Variants in SCYL3 observed in about 807,000 individuals in gnomAD.
SCYL3 encodes the protein SCY1 like pseudokinase 3.
In SCYL3, 35 loss-of-function variants were observed where a neutral mutation model predicts 73.8. That is an observed-to-expected ratio of 0.47 (90% CI 0.36 to 0.63). The LOEUF (loss-of-function observed/expected upper bound fraction) is 0.63, where lower values mean the gene tolerates loss of function less well. Ranked by LOEUF, SCYL3 falls within the 20% of genes least tolerant of loss-of-function variation. The pLI is 0.00. For synonymous variants in SCYL3, 277 were observed against 295.2 expected (o/e 0.94, Z 0.63); for missense variants, 712 against 798.9 (o/e 0.89, Z 1.31).
intron 11 of SCYL3, among the ~76,000 whole-genome samples, chr1:169,857,471 T>C (rs1449873116): frequency 1.3e-5 from 2 of 152,244 alleles, no homozygotes; most frequent in Non-Finnish European, 2.9e-5. Flanking sequence ...GGTGCAAACC[T>C]GCAAATATGG....
rs980989689 is a variant in SCYL3, at chr1:169,850,079, T to C, written c.*3634A>G. The C allele has an allele frequency of 2.7e-5, 16 of 582,332 alleles. No individual in the cohort carries two copies. The highest frequency in any genetic ancestry group is 4.3e-5 in the South Asian group (2 of 46,482). 36.1% of individuals were successfully genotyped at this position (582,332 alleles called of 1,614,324 possible). On this transcript the variant is annotated 3_prime_UTR_variant, in exon 13 of 13. Transcript: ENST00000367771. ...AAGTAATTAAAGCTTACAACACTTG[T>C]ACAGAAGTTAATTTTGTATTATCCT...
At position 169,849,747 on chromosome 1, in the gene SCYL3, T is replaced by C; in HGVS notation, c.*3966A>G. On this transcript the variant is annotated 3_prime_UTR_variant, in exon 13 of 13. Transcript: ENST00000367771. ...TGAAGGGTACATTACTCGTTATCTC[T>C]TTTACAGCTTCTCAAAATGAGGCTT... 1.6e-6 allele frequency: 1 copy of C among 628,620 alleles called. No individual in the cohort carries two copies. Among genetic ancestry groups the C allele is most frequent in the South Asian group, 2.0e-5 (1 of 50,312 alleles). 38.9% of individuals were successfully genotyped at this position (628,620 alleles called of 1,614,324 possible). A position where few individuals can be genotyped will look rare whatever the true frequency, so the allele number is the denominator to read the frequency against.
intron 10 of SCYL3, chr1:169,859,905 TG>T: frequency 6.6e-6 from 1 of 152,412 alleles, no homozygotes; most frequent in Non-Finnish European, 1.5e-5. Context: ...TCCCAGGAGC[TG>T]GGGACTACCA....
chr1:169,876,592 CTTG>C (rs889023646), intron 3 of SCYL3, among the ~76,000 whole-genome samples: 10 of 152,062 alleles, frequency 6.6e-5, no homozygotes, highest in Non-Finnish European at 1.2e-4. Flanking sequence ...CATCTGAAAT[CTTG>C]TTAGTAGGCA....
chr1:169,880,763 T>TA (rs1491094281), intron 2 of SCYL3, among the ~76,000 whole-genome samples: 1 of 45,642 alleles, frequency 2.2e-5, no homozygotes, highest in East Asian at 3.9e-4. Context: ...TGAAGGCCAC[T>TA]TTTTTTTTTT....
intron 1 of SCYL3, among the ~76,000 whole-genome samples, chr1:169,889,995 C>T (rs1175544817): frequency 1.3e-5 from 2 of 152,176 alleles, no homozygotes; most frequent in African/African-American, 4.8e-5. Flanking sequence ...ATATGAACAG[C>T]TTTCTTGACA....
At chr1:169,862,537 A>G (rs1486010880) in intron 10 of SCYL3, 76 bp downstream of exon 10, 1 of 1,491,196 alleles carries the variant, frequency 6.7e-7, no homozygotes, top group Non-Finnish European at 9.2e-7. Flanking sequence ...TATTATCTGA[A>G]TACCTCCAAA....
intron 4 of SCYL3, among the ~76,000 whole-genome samples, chr1:169,875,160 T>C (rs1367409415): frequency 6.6e-6 from 1 of 151,932 alleles, no homozygotes; most frequent in African/African-American, 2.4e-5. Context: ...CAAGAACCCA[T>C]GAAGGTACAC....
intron 2 of SCYL3, among the ~76,000 whole-genome samples, chr1:169,884,751 T>G (rs973788596): frequency 3.3e-5 from 5 of 152,248 alleles, no homozygotes; most frequent in African/African-American, 1.2e-4. Flanking sequence ...ATTTTCTTGA[T>G]GCAAAGTGAG....
chr1:169,883,714 ATTTTTTT>A (rs11311295), intron 2 of SCYL3, among the ~76,000 whole-genome samples: 2 of 100,086 alleles, frequency 2.0e-5, no homozygotes, highest in Non-Finnish European at 2.0e-5. Flanking sequence ...CTCCAATTAC[ATTTTTTT>A]TTTTTTTTTT....
chr1:169,860,963 G>C (rs12136425), intron 10 of SCYL3, among the ~76,000 whole-genome samples: 10,145 of 152,248 alleles, frequency 0.067, 431 homozygotes, highest in Non-Finnish European at 0.099. Flanking sequence ...GTAATGAGAG[G>C]TTTCATTGTC....
At chr1:169,855,089 A>G in intron 11 of SCYL3, 125 bp from the exon 12 acceptor site, 1 of 652,312 alleles carries the variant, frequency 1.5e-6, no homozygotes, top group Non-Finnish European at 2.5e-6. Context: ...CATGCATACT[A>G]AACAAAAGAG....
At position 169,870,315 on chromosome 1, in the gene SCYL3, G is replaced by A. The variant is rs373734654; in HGVS notation, c.565C>T (p.Arg189Trp). 19 of 1,613,348 alleles carry A rather than the reference G, an allele frequency of 1.2e-5. No homozygotes were observed. Among genetic ancestry groups the A allele is most frequent in the African/African-American group, 2.7e-5 (2 of 74,856 alleles). The change falls in exon 6 of 13, where the codon CGG becomes TGG. Residue 189 changes from arginine (R) to tryptophan (W), a missense_variant. Coordinates refer to ENST00000367771, the MANE Select transcript of SCYL3 (RefSeq NM_020423.7). ...TTLPECHGHA[R>W]DAFSFGTLVE... ...AATGTTCCAAATGAAAAGGCATCCC[G>A]GGCATGTCCATGACACTCTGGGAGA...
intron 2 of SCYL3, among the ~76,000 whole-genome samples, chr1:169,887,019 G>A (rs1661731083): frequency 6.6e-6 from 1 of 152,142 alleles, no homozygotes; most frequent in African/African-American, 2.4e-5. Context: ...CAGATACCTA[G>A]GACATCAAAT....
At position 169,854,574 on chromosome 1, in the gene SCYL3, T is replaced by A; in HGVS notation, c.1703A>T (p.Lys568Met). The A allele has an allele frequency of 6.2e-7, 1 of 1,613,792 alleles. No individual in the cohort carries two copies. The highest frequency in any genetic ancestry group is 1.1e-5 in the South Asian group (1 of 91,052). Residue 568 changes from lysine (K) to methionine (M), a missense_variant, in exon 12 of 13, where the codon AAG becomes ATG. This residue lies in a region of SCYL3 where 370 missense variants were observed against 350.8 expected (regional missense o/e 1.05). Coordinates refer to ENST00000367771, the MANE Select transcript of SCYL3 (RefSeq NM_020423.7). ...SMPWKSSLPQKISLVQRGDDA... is the reference protein window; with the variant it reads ...SMPWKSSLPQMISLVQRGDDA... ...ATCCCCCCTTTGTACAAGGCTAATC[T>A]TTTGGGGTAAGCTTGATTTCCAAGG...
chr1:169,875,865 A>G, intron 4 of SCYL3, 113 bp downstream of exon 4: 1 of 508,094 alleles, frequency 2.0e-6, no homozygotes, highest in Non-Finnish European at 3.4e-6. Flanking sequence ...CAAAAAATTC[A>G]AGTCTCCAAA....
Position 169,851,979 on chromosome 1 carries a change from A to G in SCYL3, c.*1734T>C. 1 of 1,613,598 alleles carries G rather than the reference A, an allele frequency of 6.2e-7. No homozygotes were observed. The highest frequency in any genetic ancestry group is 8.5e-7 in the Non-Finnish European group (1 of 1,179,762). ...TAGGGGCCAAACTTTAACAAGGCAA[A>G]TTCTGCCCTTTTTACTTACTGACGA... On this transcript the variant is annotated 3_prime_UTR_variant, in exon 13 of 13. Transcript: ENST00000367771.
chr1:169,880,524 T>G (rs772798440), intron 2 of SCYL3, among the ~76,000 whole-genome samples: 1 of 96,578 alleles, frequency 1.0e-5, no homozygotes, highest in Non-Finnish European at 2.7e-5. Context: ...AAGAAAAAAC[T>G]ATCAGCTTGG....
intron 10 of SCYL3, among the ~76,000 whole-genome samples, chr1:169,861,101 C>T (rs1659610119): frequency 6.6e-6 from 1 of 152,138 alleles, no homozygotes; most frequent in African/African-American, 2.4e-5. Flanking sequence ...TACAGGGTAA[C>T]AATTACTGCT....
Sources: allele counts gnomAD v4.1 joint callset (sites outside exome capture counted in the v4.1 genomes callset), GRCh38; gene constraint gnomAD v4.1.1; regional missense constraint gnomAD v4.1.1; transcripts MANE v1.5; gene names NCBI Gene and HGNC (gene_info 2026-07-23, HGNC 2026-07-21).